Variants in AP1G1 observed in about 807,000 individuals in gnomAD.
AP1G1 encodes the protein adaptor related protein complex 1 subunit gamma 1, also known as AP-1 complex subunit gamma-1.
AP1G1 carries 7 observed loss-of-function variants against 108.3 expected under a neutral mutation model. The observed-to-expected ratio is 0.06, with a 90% confidence interval of 0.04 to 0.12. The LOEUF (loss-of-function observed/expected upper bound fraction) is 0.12, where lower values mean the gene tolerates loss of function less well. AP1G1 is among the 10% of genes least tolerant of loss of function. The pLI is 1.00. For missense variants in AP1G1, 756 were observed against 1,010.7 expected (o/e 0.75, Z 3.42); for synonymous variants, 379 against 353.5 (o/e 1.07, Z -0.81).
At position 71,745,206 on chromosome 16, in the gene AP1G1, G is replaced by A. The variant is rs200795405; in HGVS notation, c.1937C>T (p.Thr646Ile). ...TCCACCAGCAGAAGATGGTTTGCTT[G>A]TAGGCGCAGTTGGAATAACAGGTGT... ...DITPVIPTAP[T>I]SKPSSAGGEL... Residue 646 changes from threonine to isoleucine, a missense_variant, in exon 19 of 23, where the codon ACA becomes ATA. By Grantham distance (89) the Thr-to-Ile change is moderately conservative (BLOSUM62 -1). This residue lies in a region of AP1G1 where 357 missense variants were observed against 366.5 expected (regional missense o/e 0.97). Coordinates refer to ENST00000299980, the MANE Select transcript of AP1G1 (RefSeq NM_001128.6). The A allele has an allele frequency of 7.9e-5, 127 of 1,614,172 alleles. No individual in the cohort carries two copies. In the East Asian group the frequency reaches 2.7e-3, roughly 35 times the overall value.
rs1231539891 is a variant in AP1G1 at position 71,729,251 on chromosome 16, AAAG to A, written c.*3804_*3806del. On this transcript the variant is annotated 3_prime_UTR_variant, in exon 23 of 23. Transcript: ENST00000299980. The stretch of plus-strand genomic sequence containing the variant: ...AACAGCTTTTTAATATTTTTACAGT[AAAG>A]AAGATGTGATGGGGCATAATGAAAA... 1 of 152,422 alleles carries A rather than the reference AAAG, an allele frequency of 6.6e-6. No individual in the cohort carries two copies. Among genetic ancestry groups the A allele is most frequent in the Non-Finnish European group, 1.5e-5 (1 of 68,004 alleles). The allele number at this position is 152,422 out of a possible 1,614,324, so 9.4% of individuals were successfully genotyped here.
At chr16:71,744,980 G>C (rs1367280813) in intron 19 of AP1G1, among the ~76,000 whole-genome samples, 164 bp downstream of exon 19, 1 of 152,178 alleles carries the variant, frequency 6.6e-6, no homozygotes, top group East Asian at 1.9e-4. Context: ...AGCATTATTA[G>C]TATACAACAT....
chr16:71,733,667 T>G (rs766224596), intron 22 of AP1G1, among the ~76,000 whole-genome samples: 1 of 152,132 alleles, frequency 6.6e-6, no homozygotes, highest in African/African-American at 2.4e-5. Flanking sequence ...TGGAGCATTC[T>G]CCTAGTAACA....
intron 5 of AP1G1, among the ~76,000 whole-genome samples, chr16:71,770,706 A>C (rs1019601374): frequency 1.3e-5 from 2 of 152,288 alleles, no homozygotes; most frequent in African/African-American, 4.8e-5. Context: ...CTGAGCTCAA[A>C]TGATCTGCCC....
intron 11 of AP1G1, among the ~76,000 whole-genome samples, chr16:71,756,884 G>C (rs965990299): frequency 6.8e-6 from 1 of 147,882 alleles, no homozygotes; most frequent in East Asian, 2.0e-4. Flanking sequence ...AGAGATTGCA[G>C]TGAAGTGAGG....
intron 10 of AP1G1, 72 bp from the exon 11 acceptor site, chr16:71,758,993 T>C: frequency 1.2e-6 from 1 of 847,260 alleles, no homozygotes; most frequent in South Asian, 1.6e-5. Flanking sequence ...GTTTAAATAA[T>C]AAAAAGAAAG....
chr16:71,808,304 G>A (rs1049518531), intron 1 of AP1G1: 9 of 802,894 alleles, frequency 1.1e-5, no homozygotes, highest in Non-Finnish European at 1.5e-5. Flanking sequence ...GCACTGCAGG[G>A]GCAGGCAGCG....
At chr16:71,774,935 G>T (rs1338572842) in intron 2 of AP1G1, among the ~76,000 whole-genome samples, 3 of 151,108 alleles carry the variant, frequency 2.0e-5, no homozygotes, top group Non-Finnish European at 4.4e-5. Context: ...TGGTCAGGCT[G>T]GTCTCAAACT....
chr16:71,794,980 T>A (rs1405658228), intron 1 of AP1G1, among the ~76,000 whole-genome samples: 5 of 151,850 alleles, frequency 3.3e-5, no homozygotes, highest in African/African-American at 1.2e-4. Context: ...ATACTATATT[T>A]ATTAAATCCT....
chr16:71,780,653 A>G (rs1403605778), intron 2 of AP1G1, among the ~76,000 whole-genome samples: 1 of 151,770 alleles, frequency 6.6e-6, no homozygotes, highest in Non-Finnish European at 1.5e-5. Context: ...TTGTTTAGAG[A>G]CAGGTCTTGC....
At chr16:71,808,343 G>A (rs1469233831) in intron 1 of AP1G1, 5 of 791,884 alleles carry the variant, frequency 6.3e-6, no homozygotes, top group Non-Finnish European at 8.5e-6. Flanking sequence ...TATGCTGGGA[G>A]TTATCTGACA....
chr16:71,764,109 A>G (rs977925564), intron 9 of AP1G1, among the ~76,000 whole-genome samples: 3 of 152,244 alleles, frequency 2.0e-5, no homozygotes, highest in Admixed American at 6.5e-5. Flanking sequence ...GTCACCAATG[A>G]TAAGACAAAT....
intron 2 of AP1G1, among the ~76,000 whole-genome samples, chr16:71,775,627 C>A (rs981243059): frequency 6.6e-6 from 1 of 152,030 alleles, no homozygotes; most frequent in East Asian, 1.9e-4. Flanking sequence ...TAGAAATACA[C>A]CAACCCATAC....
rs766591265 is a variant in AP1G1 at position 71,746,599 on chromosome 16, A to G, written c.1719T>C (p.Tyr573=). 15 of 1,606,336 alleles carry G rather than the reference A, an allele frequency of 9.3e-6. No individual in the cohort carries two copies. The East Asian group carries it at 2.2e-4, about 24-fold the overall frequency. Residue 573 remains tyrosine (Y), a synonymous_variant, in exon 17 of 23, where the codon TAT becomes TAC. Transcript: ENST00000299980. The part of the protein sequence containing the change: ...AVEYNALFKK[Y]DHMRSALLER... ...TTTCTTTCGCTCACCTCATGTGGTC[A>G]TATTTCTTGAAAAGTGCATTATATT...
chr16:71,765,539 C>T lies in AP1G1; in HGVS notation c.688G>A (p.Gly230Arg), dbSNP rs748009738. 1 of 1,613,388 alleles carries T rather than the reference C, an allele frequency of 6.2e-7. No homozygotes were observed. Among genetic ancestry groups the T allele is most frequent in the Non-Finnish European group, 8.5e-7 (1 of 1,179,656 alleles). The change falls in exon 7 of 23, where the codon GGA becomes AGA. Residue 230 changes from glycine to arginine, a missense_variant. Coordinates refer to ENST00000299980, the MANE Select transcript of AP1G1 (RefSeq NM_001128.6). ...GAAACATCATGTTCTGGTGAATATC[C>T]GGACATGATGAGGTTCTTTAAAATA... ...VRILKNLIMS[G>R]YSPEHDVSGI...
chr16:71,758,422 A>G (rs557668949), intron 11 of AP1G1: 4 of 522,586 alleles, frequency 7.7e-6, no homozygotes, highest in East Asian at 5.4e-5. Context: ...CAGCAGTTTG[A>G]GTGTCAGCAT....
At chr16:71,770,325 C>T (rs1169631766) in intron 5 of AP1G1, among the ~76,000 whole-genome samples, 1 of 152,200 alleles carries the variant, frequency 6.6e-6, no homozygotes, top group African/African-American at 2.4e-5. Context: ...ATTTAAGCCA[C>T]ATGAATTTTC....
intron 16 of AP1G1, 177 bp from the exon 17 acceptor site, chr16:71,746,869 G>A (rs549521972): frequency 1.1e-4 from 59 of 518,572 alleles, no homozygotes; most frequent in Middle Eastern, 5.4e-4. Context: ...TCTGACATTC[G>A]CATTATACTA....
intron 2 of AP1G1, among the ~76,000 whole-genome samples, chr16:71,776,122 G>C (rs895359183): frequency 6.6e-6 from 1 of 152,168 alleles, no homozygotes; most frequent in Non-Finnish European, 1.5e-5. Context: ...TGTGTATACA[G>C]GAAGCTAAAA....
Sources: gnomAD v4.1 joint callset for allele counts (sites outside exome capture counted in the v4.1 genomes callset) on GRCh38, gnomAD v4.1.1 for gene constraint, gnomAD v4.1.1 regional missense constraint, MANE v1.5 for transcripts, NCBI Gene and HGNC (gene_info 2026-07-23, HGNC 2026-07-21) for gene names.